Variants in ANKFN1 observed in about 807,000 individuals in gnomAD.
The protein encoded by ANKFN1 is ankyrin repeat and fibronectin type III domain containing 1.
In ANKFN1, 74 loss-of-function variants were observed where a neutral mutation model predicts 108.7. The observed-to-expected ratio is 0.68, with a 90% CI of 0.56 to 0.83. The LOEUF (loss-of-function observed/expected upper bound fraction) is 0.83. ANKFN1 is among the 40% of genes least tolerant of loss of function. The pLI is 0.00. For missense variants in ANKFN1, 1,505 were observed against 1,382.3 expected (o/e 1.09, Z -1.41); for synonymous variants, 547 against 516.2 (o/e 1.06, Z -0.81).
intron 4 of ANKFN1, among the ~76,000 whole-genome samples, chr17:56,105,711 C>CTGGG (rs1905737077): frequency 6.9e-6 from 1 of 144,544 alleles, no homozygotes; most frequent in African/African-American, 2.6e-5. Context: ...GTTTTTTTGT[C>CTGGG]TGTGTGTGTG....
chr17:56,129,359 G>C (rs1291006569), intron 4 of ANKFN1, among the ~76,000 whole-genome samples: 1 of 152,024 alleles, frequency 6.6e-6, no homozygotes, highest in African/African-American at 2.4e-5. Context: ...TATACTCACT[G>C]GTACTCTTTT....
At position 56,516,632 on chromosome 17, in the gene ANKFN1, G is replaced by C. The variant is rs2051924198; in HGVS notation, c.*5363G>C. ...AACAATCTAAATGTGTACTGTAAATGTCCAGTACCCTCAATCAAAAACAGC... is the reference window on the plus strand; with the variant it reads ...AACAATCTAAATGTGTACTGTAAATCTCCAGTACCCTCAATCAAAAACAGC... On this transcript the variant is annotated 3_prime_UTR_variant, in exon 21 of 21. Coordinates refer to ENST00000682825, the MANE Select transcript of ANKFN1 (RefSeq NM_001370326.1). 1.3e-5 allele frequency among the ~76,000 whole-genome samples: 2 copies of C among 152,118 alleles called. No individual in the cohort carries two copies. Among genetic ancestry groups the C allele is most frequent in the Admixed American group, 1.3e-4 (2 of 15,280 alleles).
intron 19 of ANKFN1, among the ~76,000 whole-genome samples, chr17:56,496,437 G>A (rs1205340424): frequency 6.6e-6 from 1 of 152,034 alleles, no homozygotes; most frequent in African/African-American, 2.4e-5. Flanking sequence ...TCACAGCTCT[G>A]GAGACCAGAG....
chr17:56,233,699 T>C (rs1218140882), intron 3 of ANKFN1, among the ~76,000 whole-genome samples: 1 of 152,004 alleles, frequency 6.6e-6, no homozygotes, highest in Non-Finnish European at 1.5e-5. Flanking sequence ...TGAAAAGATG[T>C]GTATGTTTGC....
At chr17:56,318,193 A>C (rs939260070) in intron 3 of ANKFN1, among the ~76,000 whole-genome samples, 2 of 152,002 alleles carry the variant, frequency 1.3e-5, no homozygotes, top group African/African-American at 4.8e-5. Context: ...TTTCTACAAA[A>C]CCAGATGGCC....
chr17:56,213,414 G>C (rs1270989367), intron 2 of ANKFN1, among the ~76,000 whole-genome samples: 2 of 152,152 alleles, frequency 1.3e-5, no homozygotes, highest in Non-Finnish European at 2.9e-5. Context: ...AGTCTAGTAA[G>C]ACAATCTCCT....
Position 56,477,611 on chromosome 17 carries a change from A to T in ANKFN1, c.1897A>T (p.Ile633Phe). 6.2e-7 allele frequency: 1 copy of T among 1,613,906 alleles called. No homozygotes were observed. Among genetic ancestry groups the T allele is most frequent in the Non-Finnish European group, 8.5e-7 (1 of 1,179,918 alleles). Residue 633 changes from isoleucine (I) to phenylalanine (F), a missense_variant, in exon 16 of 21, where the codon ATT becomes TTT. Transcript: ENST00000682825. The stretch of plus-strand genomic sequence containing the variant: ...TCTTGTTACCCAAAAGTTGCCCAAC[A>T]TTCTCTGCCACGTGAAGATCCGTGA... ...KVLVTQKLPN[I>F]LCHVKIRENN...
At chr17:56,311,984 G>T (rs921308998) in intron 3 of ANKFN1, among the ~76,000 whole-genome samples, 1 of 151,976 alleles carries the variant, frequency 6.6e-6, no homozygotes, top group South Asian at 2.1e-4. Flanking sequence ...AACTCTTCGC[G>T]GTCTCCTCTT....
chr17:56,437,973 G>GGTGTGTGTGTGTGTGTGTGTGT (rs150040769), intron 8 of ANKFN1, among the ~76,000 whole-genome samples: 2 of 142,176 alleles, frequency 1.4e-5, no homozygotes, highest in African/African-American at 2.7e-5. Context: ...ATCTACTGTA[G>GGTGTGTGTGTGTGTGTGTGTGT]GTGTGTGTGT....
At chr17:56,502,484 A>G (rs1567711404) in intron 20 of ANKFN1, among the ~76,000 whole-genome samples, 1 of 152,212 alleles carries the variant, frequency 6.6e-6, no homozygotes, top group Non-Finnish European at 1.5e-5. Context: ...TATGAAACAC[A>G]AAGATGTGGA....
At chr17:56,262,168 G>C (rs1213918513) in intron 3 of ANKFN1, among the ~76,000 whole-genome samples, 1 of 152,190 alleles carries the variant, frequency 6.6e-6, no homozygotes, top group African/African-American at 2.4e-5. Flanking sequence ...TCATCTCAGA[G>C]AGAAGCTAGA....
chr17:56,174,648 T>C (rs913109109), intron 1 of ANKFN1, among the ~76,000 whole-genome samples: 3 of 152,198 alleles, frequency 2.0e-5, no homozygotes, highest in African/African-American at 7.2e-5. Context: ...TCCCTGTTTG[T>C]GTTTTGCCCA....
chr17:56,335,392 C>T (rs1433540776), intron 4 of ANKFN1, among the ~76,000 whole-genome samples: 1 of 152,104 alleles, frequency 6.6e-6, no homozygotes, highest in Non-Finnish European at 1.5e-5. Context: ...TCCTTTATTT[C>T]GTTGAGCAGT....
intron 3 of ANKFN1, among the ~76,000 whole-genome samples, chr17:56,306,341 G>A: frequency 6.6e-6 from 1 of 152,096 alleles, no homozygotes; most frequent in East Asian, 1.9e-4. Context: ...CTAGCATTTT[G>A]TAGTTTTCAG....
At chr17:56,484,484 CT>C (rs1347148688) in intron 18 of ANKFN1, among the ~76,000 whole-genome samples, 1 of 152,136 alleles carries the variant, frequency 6.6e-6, no homozygotes, top group African/African-American at 2.4e-5. Context: ...GCTTCAATGA[CT>C]ATGAGGCTAT....
chr17:56,267,224 T>C (rs1277098354), intron 3 of ANKFN1, among the ~76,000 whole-genome samples: 2 of 152,168 alleles, frequency 1.3e-5, no homozygotes, highest in African/African-American at 2.4e-5. Flanking sequence ...AAGGACATAA[T>C]TTACTGTAAG....
chr17:56,354,311 A>T (rs2046320609), intron 6 of ANKFN1, among the ~76,000 whole-genome samples: 1 of 152,226 alleles, frequency 6.6e-6, no homozygotes, highest in African/African-American at 2.4e-5. Context: ...CAAGCTTTAA[A>T]ATATGTGAGA....
intron 4 of ANKFN1, among the ~76,000 whole-genome samples, chr17:56,074,422 CA>C (rs1307197658): frequency 6.6e-6 from 1 of 152,184 alleles, no homozygotes; most frequent in Non-Finnish European, 1.5e-5. Flanking sequence ...GCTGAAGCAG[CA>C]CCAGGCCCCC....
chr17:56,261,660 A>G (rs2144123788), intron 3 of ANKFN1, among the ~76,000 whole-genome samples: 1 of 152,338 alleles, frequency 6.6e-6, no homozygotes, highest in South Asian at 2.1e-4. Context: ...GGCAGGAAGC[A>G]TCCAGCATGG....
Sources: gnomAD v4.1 joint callset for allele counts (sites outside exome capture counted in the v4.1 genomes callset) on GRCh38, gnomAD v4.1.1 for gene constraint, MANE v1.5 for transcripts, NCBI Gene and HGNC (gene_info 2026-07-23, HGNC 2026-07-21) for gene names.